Variants in CD8B2 observed in about 807,000 individuals in gnomAD.
The protein encoded by CD8B2 is CD8B family member 2.
Under a neutral mutation model 23.7 loss-of-function variants are expected in CD8B2, and 11 were observed. That is an observed-to-expected ratio of 0.46 (90% CI 0.29 to 0.77). CD8B2 has a LOEUF of 0.77. Among genes scored for constraint, CD8B2 ranks in the 30% least tolerant of loss-of-function variants. The pLI is 0.09. For synonymous variants in CD8B2, 90 were observed against 109.3 expected (o/e 0.82, Z 1.10); for missense variants, 197 against 270.5 (o/e 0.73, Z 1.91).
downstream of CD8B2, among the ~76,000 whole-genome samples, chr2:106,515,482 T>G (rs909465128): frequency 6.6e-6 from 1 of 152,204 alleles, no homozygotes; most frequent in African/African-American, 2.4e-5. Flanking sequence ...ATTAGTGCCC[T>G]TAGAGGAAGA....
intron 5 of CD8B2, among the ~76,000 whole-genome samples, chr2:106,532,942 T>C (rs1405542118): frequency 3.9e-5 from 6 of 152,206 alleles, no homozygotes; most frequent in African/African-American, 1.4e-4. Flanking sequence ...ACCCAGACCC[T>C]ATTCAAGATG....
downstream of CD8B2, among the ~76,000 whole-genome samples, chr2:106,511,820 CAT>C (rs1679636960): frequency 6.6e-6 from 1 of 152,176 alleles, no homozygotes; most frequent in South Asian, 2.1e-4. Context: ...CTCCCAGTTA[CAT>C]AACTCAAACA....
At chr2:106,492,044 G>C (rs1449909656) in intron 2 of CD8B2, among the ~76,000 whole-genome samples, 8 of 152,152 alleles carry the variant, frequency 5.3e-5, no homozygotes, top group Non-Finnish European at 1.5e-5. Context: ...GGCAGTGGAG[G>C]GACAGGTGCC....
intron 2 of CD8B2, among the ~76,000 whole-genome samples, chr2:106,495,475 G>C (rs572023502): frequency 2.6e-5 from 4 of 152,262 alleles, no homozygotes; most frequent in South Asian, 2.1e-4. Flanking sequence ...GGAGGCAAAG[G>C]TTGCAGTGAG....
chr2:106,492,380 A>G (rs1679212491), intron 2 of CD8B2, among the ~76,000 whole-genome samples: 1 of 152,196 alleles, frequency 6.6e-6, no homozygotes, highest in Non-Finnish European at 1.5e-5. Flanking sequence ...AACTCAATTT[A>G]TTAACTATAT....
chr2:106,518,743 T>C (rs1679774628), intron 5 of CD8B2, among the ~76,000 whole-genome samples: 1 of 151,824 alleles, frequency 6.6e-6, no homozygotes, highest in South Asian at 2.1e-4. Flanking sequence ...TCTCTCTACT[T>C]ATCCCTCCGT....
chr2:106,497,408 G>A (rs566163824), intron 3 of CD8B2, among the ~76,000 whole-genome samples: 4 of 152,282 alleles, frequency 2.6e-5, no homozygotes, highest in South Asian at 2.1e-4. Context: ...TGGAGTGTAC[G>A]CACATACACA....
intron 5 of CD8B2, among the ~76,000 whole-genome samples, chr2:106,526,206 A>C (rs1407011608): frequency 1.3e-5 from 2 of 151,038 alleles, no homozygotes; most frequent in Admixed American, 6.6e-5. Context: ...GCAGTACTGC[A>C]CTCTATCCAG....
At chr2:106,524,536 GT>G (rs1679880438) in intron 5 of CD8B2, among the ~76,000 whole-genome samples, 1 of 152,192 alleles carries the variant, frequency 6.6e-6, no homozygotes, top group South Asian at 2.1e-4. Flanking sequence ...GTTTCAGGAG[GT>G]GGGTGGGACC....
chr2:106,539,048 T>A (rs1436552789), intron 5 of CD8B2, among the ~76,000 whole-genome samples: 2 of 152,214 alleles, frequency 1.3e-5, no homozygotes, highest in African/African-American at 2.4e-5. Context: ...TGACTCTACC[T>A]GGTCACAGCG....
chr2:106,522,591 T>TAGC (rs915681896), intron 5 of CD8B2, among the ~76,000 whole-genome samples: 5 of 152,324 alleles, frequency 3.3e-5, no homozygotes, highest in African/African-American at 1.2e-4. Flanking sequence ...GGGGTCCCTT[T>TAGC]AGCAGCTGTA....
At chr2:106,524,264 G>A (rs1679875938) in intron 5 of CD8B2, among the ~76,000 whole-genome samples, 14 of 152,144 alleles carry the variant, frequency 9.2e-5, no homozygotes, top group Admixed American at 9.2e-4. Context: ...TTCATACATG[G>A]TCAGGCCATT....
At chr2:106,519,085 T>C (rs1391447373) in intron 5 of CD8B2, among the ~76,000 whole-genome samples, 1 of 152,150 alleles carries the variant, frequency 6.6e-6, no homozygotes, top group Admixed American at 6.5e-5. Flanking sequence ...CATCCATCCA[T>C]CCATCTTCTA....
intron 5 of CD8B2, among the ~76,000 whole-genome samples, chr2:106,527,766 G>A (rs1270710451): frequency 6.6e-6 from 1 of 151,934 alleles, no homozygotes; most frequent in Non-Finnish European, 1.5e-5. Context: ...CTGGGCCACA[G>A]AGCGAGACTT....
chr2:106,529,336 G>T (rs1206581050), intron 5 of CD8B2, among the ~76,000 whole-genome samples: 1 of 152,184 alleles, frequency 6.6e-6, no homozygotes, highest in Non-Finnish European at 1.5e-5. Flanking sequence ...CCCTTTAGAA[G>T]ATGGAGCATT....
At chr2:106,495,027 G>T (rs556032039) in intron 2 of CD8B2, among the ~76,000 whole-genome samples, 1 of 152,224 alleles carries the variant, frequency 6.6e-6, no homozygotes, top group East Asian at 1.9e-4. Context: ...GGAGGGGCTC[G>T]TTGTGCCAAA....
chr2:106,522,868 A>G (rs1045090261), intron 5 of CD8B2, among the ~76,000 whole-genome samples: 34 of 152,144 alleles, frequency 2.2e-4, no homozygotes, highest in Admixed American at 2.2e-3. Flanking sequence ...ATCCCAGGCA[A>G]TCATTCCGTC....
intron 5 of CD8B2, among the ~76,000 whole-genome samples, chr2:106,531,223 A>G (rs1679985976): frequency 6.6e-6 from 1 of 152,176 alleles, no homozygotes. Flanking sequence ...TTTGGGAGTC[A>G]TCCAGAAAGT....
At chr2:106,543,956 T>C in intron 5 of CD8B2, 1 of 398,670 alleles carries the variant, frequency 2.5e-6, no homozygotes, top group Non-Finnish European at 4.4e-6. Flanking sequence ...ATTCGATTGT[T>C]CTTCTCTACT....
Sources: gnomAD v4.1 joint callset for allele counts (sites outside exome capture counted in the v4.1 genomes callset) on GRCh38, gnomAD v4.1.1 for gene constraint, MANE v1.5 for transcripts, NCBI Gene and HGNC (gene_info 2026-07-23, HGNC 2026-07-21) for gene names.